Variants in CNTN5 observed in about 807,000 individuals in gnomAD.
The protein encoded by CNTN5 is contactin 5.
In CNTN5, 77 loss-of-function variants were observed where a neutral mutation model predicts 129.1. That is an observed-to-expected ratio of 0.60 (90% CI 0.50 to 0.72). CNTN5 has a LOEUF of 0.72. Among genes scored for constraint, CNTN5 ranks in the 30% least tolerant of loss-of-function variants. CNTN5 has a pLI of 0.00. For synonymous variants in CNTN5, 509 were observed against 465.6 expected (o/e 1.09, Z -1.20); for missense variants, 1,478 against 1,328.8 (o/e 1.11, Z -1.75).
intron 9 of CNTN5, among the ~76,000 whole-genome samples, chr11:100,060,657 A>T (rs7113781): frequency 5.0e-4 from 67 of 133,472 alleles, no homozygotes; most frequent in South Asian, 9.4e-4. Context: ...TTTTTTTTTT[A>T]AGATGGAGTT....
intron 3 of CNTN5, among the ~76,000 whole-genome samples, chr11:99,622,950 T>G (rs1273856541): frequency 6.6e-6 from 1 of 152,132 alleles, no homozygotes; most frequent in African/African-American, 2.4e-5. Context: ...CGCTTTAACT[T>G]TAAATTAGTG....
chr11:99,751,576 T>A (rs1944237635), intron 3 of CNTN5, among the ~76,000 whole-genome samples: 1 of 152,204 alleles, frequency 6.6e-6, no homozygotes. Context: ...AAACATTCCG[T>A]GCATAGTACA....
intron 14 of CNTN5, among the ~76,000 whole-genome samples, chr11:100,192,387 G>C (rs1373414745): frequency 6.6e-6 from 1 of 151,986 alleles, no homozygotes; most frequent in Non-Finnish European, 1.5e-5. Context: ...TGGAACATTT[G>C]ACTTCCAGAA....
At position 99,514,425 on chromosome 11, in the gene CNTN5, T is replaced by G. The variant is rs113998862; in HGVS notation, c.-70-41720T>G. Among the ~76,000 whole-genome samples the G allele has an allele frequency of 7.7e-3, 1,177 of 152,138 alleles. 18 individuals are homozygous for G. The highest frequency in any genetic ancestry group is 0.027 in the African/African-American group (1,116 of 41,528). On this transcript the variant is annotated intron_variant, in intron 2 of 24. Transcript: ENST00000524871. ...GAAAGACATTCTACCATGGGCAAAA[T>G]GTTATCAAACAGTGTTGCATGCTAC...
At chr11:99,427,765 C>CAA (rs36085825) in intron 2 of CNTN5, among the ~76,000 whole-genome samples, 25 of 32,300 alleles carry the variant, frequency 7.7e-4, no homozygotes, top group Non-Finnish European at 9.7e-4. Context: ...GACTCAGTCT[C>CAA]AAAAAAAAAA....
At chr11:99,499,901 A>T (rs769129037) in intron 2 of CNTN5, among the ~76,000 whole-genome samples, 2 of 152,182 alleles carry the variant, frequency 1.3e-5, no homozygotes, top group African/African-American at 4.8e-5. Context: ...CCATAGAAAA[A>T]GTTAGACTTA....
At chr11:100,196,800 C>A (rs896486263) in intron 15 of CNTN5, among the ~76,000 whole-genome samples, 1 of 151,872 alleles carries the variant, frequency 6.6e-6, no homozygotes, top group African/African-American at 2.4e-5. Flanking sequence ...TCCAATTCAT[C>A]CAAATCCTTT....
intron 1 of CNTN5, among the ~76,000 whole-genome samples, chr11:99,069,843 C>T (rs1865265818): frequency 2.0e-5 from 3 of 152,156 alleles, no homozygotes; most frequent in African/African-American, 7.2e-5. Context: ...TCTGCAAACC[C>T]CTGTTCACAC....
chr11:99,331,862 G>T (rs1469501094), intron 2 of CNTN5, among the ~76,000 whole-genome samples: 3 of 152,106 alleles, frequency 2.0e-5, no homozygotes, highest in African/African-American at 7.2e-5. Flanking sequence ...TAGTATACCA[G>T]CTGTGAGGTC....
chr11:99,172,024 A>G (rs1387292920), intron 1 of CNTN5, among the ~76,000 whole-genome samples: 2 of 152,232 alleles, frequency 1.3e-5, no homozygotes, highest in Non-Finnish European at 2.9e-5. Flanking sequence ...AAACATAACC[A>G]TTATATAAAT....
chr11:99,088,132 C>A (rs1866075809), intron 1 of CNTN5, among the ~76,000 whole-genome samples: 1 of 152,144 alleles, frequency 6.6e-6, no homozygotes, highest in South Asian at 2.1e-4. Context: ...CCTCTTCTAG[C>A]AACCTTCCAC....
intron 4 of CNTN5, among the ~76,000 whole-genome samples, chr11:99,835,869 A>G (rs1947286137): frequency 6.6e-6 from 1 of 152,172 alleles, no homozygotes; most frequent in African/African-American, 2.4e-5. Flanking sequence ...ACTAGAGAAG[A>G]TGGTTTATCA....
chr11:99,889,118 G>A (rs978143800), intron 6 of CNTN5, among the ~76,000 whole-genome samples: 3 of 152,034 alleles, frequency 2.0e-5, no homozygotes, highest in Non-Finnish European at 4.4e-5. Flanking sequence ...ATCCAGCAAC[G>A]ATCCTTATTA....
chr11:99,244,991 C>G (rs569669175), intron 1 of CNTN5, among the ~76,000 whole-genome samples: 1 of 152,146 alleles, frequency 6.6e-6, no homozygotes, highest in Non-Finnish European at 1.5e-5. Context: ...TCCCGTGAAA[C>G]GTTCATTGAA....
rs577922789 is a variant in CNTN5 at position 99,026,150 on chromosome 11, G to A, written c.-210+4880G>A. 7.3e-5 allele frequency among the ~76,000 whole-genome samples: 11 copies of A among 151,694 alleles called. No individual in the cohort carries two copies. In the South Asian group the frequency reaches 2.3e-3, roughly 31 times the overall value. ...AAAATACATTTTTATTTAATTGGCAGTTTCATGATCATTAAATATGATAGG... is the reference window on the plus strand; with the variant it reads ...AAAATACATTTTTATTTAATTGGCAATTTCATGATCATTAAATATGATAGG... On this transcript the variant is annotated intron_variant, in intron 1 of 24. Transcript: ENST00000524871.
chr11:100,192,372 C>T (rs1331227587), intron 14 of CNTN5, among the ~76,000 whole-genome samples: 1 of 151,980 alleles, frequency 6.6e-6, no homozygotes, highest in Non-Finnish European at 1.5e-5. Context: ...ACTTAGAATG[C>T]CATATGGAAC....
intron 20 of CNTN5, among the ~76,000 whole-genome samples, 194 bp downstream of exon 20, chr11:100,299,590 T>C (rs1015067894): frequency 6.6e-6 from 1 of 151,460 alleles, no homozygotes; most frequent in South Asian, 2.1e-4. Flanking sequence ...ATTCCACATA[T>C]GTTGCTTTAA....
chr11:99,957,799 C>A (rs1174040938), intron 8 of CNTN5, among the ~76,000 whole-genome samples: 1 of 151,850 alleles, frequency 6.6e-6, no homozygotes, highest in African/African-American at 2.4e-5. Flanking sequence ...GAATGTATGA[C>A]CAGAGCTATA....
chr11:100,248,116 T>TA (rs1949887806), intron 16 of CNTN5, among the ~76,000 whole-genome samples: 1 of 152,208 alleles, frequency 6.6e-6, no homozygotes, highest in Admixed American at 6.5e-5. Context: ...TTTATAGGGT[T>TA]AAAAATAAAA....
Sources: allele counts gnomAD v4.1 joint callset (sites outside exome capture counted in the v4.1 genomes callset), GRCh38; gene constraint gnomAD v4.1.1; transcripts MANE v1.5; gene names NCBI Gene and HGNC (gene_info 2026-07-23, HGNC 2026-07-21).